Variants in SUGCT observed in about 807,000 individuals in gnomAD.
The protein encoded by SUGCT is succinyl-CoA:glutarate CoA-transferase.
In SUGCT, 41 loss-of-function variants were observed where a neutral mutation model predicts 55.0. The observed-to-expected ratio is 0.74, with a 90% CI of 0.58 to 0.97. SUGCT has a LOEUF of 0.97. Ranked by LOEUF, SUGCT falls within the 50% of genes least tolerant of loss-of-function variation. The pLI is 0.00. For synonymous variants in SUGCT, 187 were observed against 200.4 expected, an observed-to-expected ratio of 0.93 and a Z score of 0.56; for missense variants, 568 against 547.8, an observed-to-expected ratio of 1.04 and a Z score of -0.37.
At chr7:40,395,521 A>G (rs1785682674) in intron 9 of SUGCT, among the ~76,000 whole-genome samples, 1 of 151,660 alleles carries the variant, frequency 6.6e-6, no homozygotes, top group Non-Finnish European at 1.5e-5. Flanking sequence ...AAAAGAAAAA[A>G]AAATTCAATT....
At chr7:40,320,369 G>C (rs1050940290) in intron 9 of SUGCT, among the ~76,000 whole-genome samples, 5 of 152,122 alleles carry the variant, frequency 3.3e-5, no homozygotes, top group African/African-American at 9.7e-5. Context: ...GCCTCCCAAA[G>C]TGCTGGGATT....
rs1342962621 is a variant in SUGCT at position 40,181,029 on chromosome 7, T to TCCC, written c.152+31_152+32insCCC. Reference sequence around the variant, plus strand: ...TATTGGTTTATCTACATTTTGGTGATTGGGTTTTTCCCTTTCCTCAAAAAC... The same window carrying TCCC: ...TATTGGTTTATCTACATTTTGGTGATCCCTGGGTTTTTCCCTTTCCTCAAAAAC... On this transcript the variant is annotated intron_variant, in intron 2 of 13. Coordinates refer to ENST00000335693, the MANE Select transcript of SUGCT (RefSeq NM_001193313.2). The TCCC allele has an allele frequency of 2.6e-6, 4 of 1,536,438 alleles. No individual in the cohort carries two copies. In the African/African-American group the frequency reaches 4.1e-5, roughly 16 times the overall value.
chr7:40,257,694 G>A (rs187913962), intron 7 of SUGCT, among the ~76,000 whole-genome samples: 1 of 152,110 alleles, frequency 6.6e-6, no homozygotes, highest in Admixed American at 6.6e-5. Context: ...TGGCCAACAT[G>A]CATAAACCCC....
the SUGCT span, among the ~76,000 whole-genome samples, chr7:40,942,124 T>C: frequency 6.6e-6 from 1 of 152,148 alleles, no homozygotes; most frequent in Admixed American, 6.6e-5. Flanking sequence ...CTAGATACTT[T>C]AACTTCTTCA....
intron 12 of SUGCT, among the ~76,000 whole-genome samples, chr7:40,515,815 T>A (rs540925759): frequency 3.9e-5 from 6 of 152,334 alleles, no homozygotes; most frequent in Non-Finnish European, 8.8e-5. Flanking sequence ...GGTTTTCCAA[T>A]GTTCTGAGTA....
chr7:40,179,237 C>T (rs200948015), intron 1 of SUGCT, among the ~76,000 whole-genome samples: 24 of 152,016 alleles, frequency 1.6e-4, no homozygotes, highest in African/African-American at 5.5e-4. Flanking sequence ...AAACTTAGTG[C>T]GTTAAAACAA....
chr7:40,189,641 A>T, intron 5 of SUGCT, 47 bp downstream of exon 5: 1 of 1,095,052 alleles, frequency 9.1e-7, no homozygotes, highest in Non-Finnish European at 1.3e-6. Context: ...GGTTATAATT[A>T]GGGTTTGGAA....
chr7:40,861,440 T>C (rs935847901), downstream of SUGCT, among the ~76,000 whole-genome samples: 1 of 152,140 alleles, frequency 6.6e-6, no homozygotes, highest in Non-Finnish European at 1.5e-5. Context: ...AGGTGAGAAA[T>C]GATTAGGACG....
chr7:40,596,398 G>A (rs763104836), intron 12 of SUGCT, among the ~76,000 whole-genome samples: 54 of 152,196 alleles, frequency 3.5e-4, no homozygotes, highest in Non-Finnish European at 5.0e-4. Context: ...TTCTGCCACC[G>A]CTTTCCTGAA....
chr7:41,019,301 C>T, the SUGCT span, among the ~76,000 whole-genome samples: 13 of 152,160 alleles, frequency 8.5e-5, no homozygotes, highest in Non-Finnish European at 1.5e-4. Context: ...AGATGCACAC[C>T]GATTTACATG....
chr7:40,819,858 C>T (rs1791886648), intron 13 of SUGCT, among the ~76,000 whole-genome samples: 1 of 152,106 alleles, frequency 6.6e-6, no homozygotes, highest in Non-Finnish European at 1.5e-5. Flanking sequence ...AATGGTATTG[C>T]CTAGGTTTTC....
chr7:40,554,310 G>A (rs1795451642), intron 12 of SUGCT, among the ~76,000 whole-genome samples: 1 of 152,204 alleles, frequency 6.6e-6, no homozygotes, highest in Admixed American at 6.5e-5. Context: ...TGTAACAACA[G>A]ATCTGGAGAG....
chr7:40,688,917 A>G (rs1401417551), intron 12 of SUGCT, among the ~76,000 whole-genome samples: 1 of 152,196 alleles, frequency 6.6e-6, no homozygotes, highest in Non-Finnish European at 1.5e-5. Flanking sequence ...TACAGATTCT[A>G]AATCTTTACC....
the SUGCT span, among the ~76,000 whole-genome samples, chr7:40,930,157 G>A: frequency 1.3e-5 from 2 of 152,078 alleles, no homozygotes; most frequent in African/African-American, 2.4e-5. Flanking sequence ...AGTTTTCCCA[G>A]CACCATTTAT....
chr7:40,744,963 T>C (rs1787657417), intron 12 of SUGCT, among the ~76,000 whole-genome samples: 1 of 152,234 alleles, frequency 6.6e-6, no homozygotes. Context: ...TAAACTGTGT[T>C]ATAACAATTT....
intron 9 of SUGCT, among the ~76,000 whole-genome samples, chr7:40,365,576 A>C (rs1783906360): frequency 6.6e-6 from 1 of 152,260 alleles, no homozygotes; most frequent in African/African-American, 2.4e-5. Context: ...CTCAGGATAC[A>C]AAATCAATGT....
intron 6 of SUGCT, among the ~76,000 whole-genome samples, chr7:40,235,751 A>C (rs1788976730): frequency 6.6e-6 from 1 of 152,204 alleles, no homozygotes; most frequent in East Asian, 1.9e-4. Flanking sequence ...TGGAGTATAC[A>C]CTTTAGTAGG....
At chr7:40,439,470 T>G (rs1166437096) in intron 9 of SUGCT, among the ~76,000 whole-genome samples, 3 of 152,124 alleles carry the variant, frequency 2.0e-5, no homozygotes, top group Non-Finnish European at 4.4e-5. Context: ...CATATCCATC[T>G]GGCAACATCC....
intron 12 of SUGCT, among the ~76,000 whole-genome samples, chr7:40,654,343 T>C (rs566761353): frequency 3.0e-4 from 46 of 152,312 alleles, no homozygotes; most frequent in African/African-American, 1.1e-3. Flanking sequence ...CCTTGTTAGC[T>C]GCCAAAATCT....
Sources: allele counts gnomAD v4.1 joint callset (sites outside exome capture counted in the v4.1 genomes callset), GRCh38; gene constraint gnomAD v4.1.1; transcripts MANE v1.5; gene names NCBI Gene and HGNC (gene_info 2026-07-23, HGNC 2026-07-21).